The following RNGTT variants were observed in gnomAD, a reference collection of about 807,000 sequenced individuals.
RNGTT encodes the protein mRNA-capping enzyme.
RNGTT carries 33 observed loss-of-function variants against 79.3 expected under a neutral mutation model. That is an observed-to-expected ratio of 0.42 (90% CI 0.32 to 0.56). The LOEUF is 0.56. Ranked by LOEUF, RNGTT falls within the 20% of genes least tolerant of loss-of-function variation. RNGTT has a pLI of 0.17. For missense variants in RNGTT, 497 were observed against 739.1 expected (o/e 0.67, Z 3.80); for synonymous variants, 222 against 235.9 (o/e 0.94, Z 0.54).
chr6:88,628,791 T>C (rs553743624), intron 14 of RNGTT, among the ~76,000 whole-genome samples: 4 of 152,224 alleles, frequency 2.6e-5, no homozygotes, highest in Non-Finnish European at 4.4e-5. Flanking sequence ...TGGTACTAAC[T>C]GGGAAATTCA....
chr6:88,854,113 T>G (rs1781764995), intron 8 of RNGTT, among the ~76,000 whole-genome samples: 1 of 151,790 alleles, frequency 6.6e-6, no homozygotes, highest in Non-Finnish European at 1.5e-5. Context: ...TTTCTTTCTT[T>G]TTTTTAGTAG....
chr6:88,937,690 C>A (rs991369765), intron 2 of RNGTT, among the ~76,000 whole-genome samples: 4 of 152,164 alleles, frequency 2.6e-5, no homozygotes, highest in African/African-American at 9.7e-5. Flanking sequence ...TTGCTATAAA[C>A]TTCCTTCTTA....
intron 13 of RNGTT, among the ~76,000 whole-genome samples, chr6:88,742,953 T>G (rs13202423): frequency 6.6e-6 from 1 of 152,140 alleles, no homozygotes; most frequent in East Asian, 1.9e-4. Context: ...GAAAAAGATA[T>G]GGATTACAGA....
At chr6:88,775,154 T>C (rs1030024987) in intron 12 of RNGTT, among the ~76,000 whole-genome samples, 3 of 152,192 alleles carry the variant, frequency 2.0e-5, no homozygotes, top group Non-Finnish European at 4.4e-5. Context: ...AACACAATGT[T>C]TGATATACAC....
At chr6:88,872,154 T>A (rs1782378700) in intron 8 of RNGTT, among the ~76,000 whole-genome samples, 1 of 152,210 alleles carries the variant, frequency 6.6e-6, no homozygotes, top group Non-Finnish European at 1.5e-5. Flanking sequence ...CATACACATA[T>A]AAACTTTGTT....
intron 14 of RNGTT, among the ~76,000 whole-genome samples, chr6:88,627,753 A>G (rs1433910306): frequency 3.9e-5 from 6 of 152,124 alleles, no homozygotes; most frequent in Admixed American, 3.9e-4. Context: ...AGACTCACAC[A>G]GCCTTGAACC....
intron 11 of RNGTT, among the ~76,000 whole-genome samples, chr6:88,838,053 T>C (rs73754834): frequency 0.027 from 4,150 of 152,162 alleles, 193 homozygotes; most frequent in African/African-American, 0.093. Context: ...ATAACAAAAG[T>C]AAGAGAGTTC....
chr6:88,884,611 T>A (rs1782797078), intron 8 of RNGTT, among the ~76,000 whole-genome samples: 1 of 152,150 alleles, frequency 6.6e-6, no homozygotes, highest in Non-Finnish European at 1.5e-5. Context: ...ATACTCTGAA[T>A]CATAGTAGAG....
At chr6:88,714,342 C>T (rs1037838108) in intron 13 of RNGTT, 1 of 152,176 alleles carries the variant, frequency 6.6e-6, no homozygotes, top group African/African-American at 2.4e-5. Flanking sequence ...TTATCTCCAA[C>T]ATTGTGTAAA....
In RNGTT at chr6:88,648,867, T is replaced by A. The variant is rs75512396; in HGVS notation, c.1506+29486A>T. Among the ~76,000 whole-genome samples, 1,038 of 152,310 alleles carry A rather than the reference T, an allele frequency of 6.8e-3. 11 individuals are homozygous for A. Among genetic ancestry groups the A allele is most frequent in the African/African-American group, 0.023 (951 of 41,558 alleles). On this transcript the variant is annotated intron_variant, in intron 14 of 15. Coordinates refer to ENST00000369485, the MANE Select transcript of RNGTT (RefSeq NM_003800.5). Reference sequence around the variant, plus strand: ...TTATAATTACCTTTTTACAGAGCGATTTCTTTGTAAATCAGCTATGAGTAA... The same window carrying A: ...TTATAATTACCTTTTTACAGAGCGAATTCTTTGTAAATCAGCTATGAGTAA...
rs561989654 is a variant in RNGTT at position 88,649,726 on chromosome 6, T to C, written c.1506+28627A>G. On this transcript the variant is annotated intron_variant, in intron 14 of 15. Coordinates refer to ENST00000369485, the MANE Select transcript of RNGTT (RefSeq NM_003800.5). ...AAAAAAAGGTTCTAAAAGCCATAAA[T>C]AGGAGAATGAATTTGTGCTAGAGTA... 9.8e-4 allele frequency among the ~76,000 whole-genome samples: 148 copies of C among 150,762 alleles called. 1 individual carries two copies. Among genetic ancestry groups the C allele is most frequent in the South Asian group, 1.5e-3 (7 of 4,774 alleles).
intron 11 of RNGTT, among the ~76,000 whole-genome samples, chr6:88,811,419 T>C (rs1261080058): frequency 1.3e-5 from 2 of 152,194 alleles, no homozygotes; most frequent in Non-Finnish European, 2.9e-5. Flanking sequence ...GGACCAAAGA[T>C]TGGAGGAACT....
intron 8 of RNGTT, among the ~76,000 whole-genome samples, chr6:88,878,749 C>G (rs1782600135): frequency 6.6e-6 from 1 of 152,088 alleles, no homozygotes; most frequent in African/African-American, 2.4e-5. Context: ...CAGAAGAAAA[C>G]TAGAGCCAAA....
At chr6:88,690,881 A>C (rs1470338549) in intron 13 of RNGTT, among the ~76,000 whole-genome samples, 1 of 152,142 alleles carries the variant, frequency 6.6e-6, no homozygotes, top group Non-Finnish European at 1.5e-5. Context: ...CCTAAAGTAC[A>C]TGTGCATTAT....
chr6:88,748,617 C>T (rs1200073854), intron 13 of RNGTT, among the ~76,000 whole-genome samples: 1 of 151,930 alleles, frequency 6.6e-6, no homozygotes, highest in Non-Finnish European at 1.5e-5. Flanking sequence ...TGTTTATTGT[C>T]TGTCTCTCTT....
intron 4 of RNGTT, among the ~76,000 whole-genome samples, chr6:88,918,169 A>G (rs1169760850): frequency 6.6e-6 from 1 of 152,070 alleles, no homozygotes; most frequent in Non-Finnish European, 1.5e-5. Flanking sequence ...AATAAAATTT[A>G]AAAAATAGCC....
intron 12 of RNGTT, among the ~76,000 whole-genome samples, chr6:88,773,500 A>C (rs1477087443): frequency 1.6e-5 from 2 of 126,464 alleles, no homozygotes; most frequent in Admixed American, 1.6e-4. Flanking sequence ...ATTATTGGTA[A>C]AAAAAAAAAA....
At chr6:88,778,342 C>T (rs955793206) in intron 12 of RNGTT, among the ~76,000 whole-genome samples, 3 of 152,006 alleles carry the variant, frequency 2.0e-5, no homozygotes, top group African/African-American at 7.2e-5. Context: ...AAAGGAGAGG[C>T]AAGTCTCCCA....
intron 12 of RNGTT, among the ~76,000 whole-genome samples, chr6:88,784,817 T>C (rs1779175869): frequency 1.3e-5 from 2 of 152,066 alleles, no homozygotes; most frequent in African/African-American, 2.4e-5. Flanking sequence ...GCTAACAAAA[T>C]AGACATTAAA....
Sources: allele counts gnomAD v4.1 joint callset (sites outside exome capture counted in the v4.1 genomes callset), GRCh38; gene constraint gnomAD v4.1.1; transcripts MANE v1.5; gene names NCBI Gene and HGNC (gene_info 2026-07-23, HGNC 2026-07-21).